The following ERC2 variants were observed in gnomAD, a reference collection of about 807,000 sequenced individuals.
ERC2 encodes ERC protein 2.
ERC2 carries 42 observed loss-of-function variants against 114.8 expected under a neutral mutation model. That is an observed-to-expected ratio of 0.37 (90% CI 0.29 to 0.47). The LOEUF (loss-of-function observed/expected upper bound fraction) is 0.47, where lower values mean the gene tolerates loss of function less well. Ranked by LOEUF, ERC2 falls within the 20% of genes least tolerant of loss-of-function variation. The pLI is 0.99. For missense variants in ERC2, 939 were observed against 1,150.7 expected (o/e 0.82, Z 2.66); for synonymous variants, 454 against 425.5 (o/e 1.07, Z -0.82).
At chr3:56,291,294 G>A (rs2055068535) in intron 3 of ERC2, among the ~76,000 whole-genome samples, 1 of 152,214 alleles carries the variant, frequency 6.6e-6, no homozygotes, top group South Asian at 2.1e-4. Context: ...ATGCTAGTGA[G>A]TAATGCTGAG....
intron 12 of ERC2, among the ~76,000 whole-genome samples, chr3:55,957,283 A>C (rs996431064): frequency 6.6e-6 from 1 of 152,194 alleles, no homozygotes; most frequent in African/African-American, 2.4e-5. Context: ...GAGGCAGTGC[A>C]GTAAGATGTC....
chr3:55,664,023 T>C (rs10428068), intron 17 of ERC2, among the ~76,000 whole-genome samples: 2,038 of 152,324 alleles, frequency 0.013, 55 homozygotes, highest in African/African-American at 0.047. Context: ...GGTTTTTATG[T>C]CTTTATGATG....
At chr3:56,052,001 G>A (rs1165276405) in intron 7 of ERC2, among the ~76,000 whole-genome samples, 1 of 152,076 alleles carries the variant, frequency 6.6e-6, no homozygotes, top group African/African-American at 2.4e-5. Flanking sequence ...GGTCCTTGTG[G>A]CCCCAGAGAG....
chr3:56,451,556 A>G (rs2107520093), intron 1 of ERC2, among the ~76,000 whole-genome samples: 1 of 152,342 alleles, frequency 6.6e-6, no homozygotes, highest in South Asian at 2.1e-4. Flanking sequence ...TTTAACAAGG[A>G]TCAAGTTCAG....
At chr3:55,664,268 T>C (rs1320749668) in intron 17 of ERC2, among the ~76,000 whole-genome samples, 1 of 152,110 alleles carries the variant, frequency 6.6e-6, no homozygotes, top group African/African-American at 2.4e-5. Flanking sequence ...TTATAGGTGG[T>C]TGCAAAATCG....
At chr3:56,335,663 C>T (rs1196106552) in intron 2 of ERC2, among the ~76,000 whole-genome samples, 1 of 152,092 alleles carries the variant, frequency 6.6e-6, no homozygotes, top group African/African-American at 2.4e-5. Context: ...ACTAAAAATA[C>T]GTATTAAAAT....
Position 56,392,553 on chromosome 3 carries a change from T to G in ERC2, c.657+41798A>C, listed in dbSNP as rs142956635. Among the ~76,000 whole-genome samples the G allele has an allele frequency of 4.6e-5, 7 of 152,268 alleles. No homozygotes were observed. The East Asian group carries it at 1.4e-3, about 29-fold the overall frequency. The stretch of plus-strand genomic sequence containing the variant: ...TCTAAAGGTACTGGAACTCATTAAC[T>G]CTATCTACTCCCTCCTTTGACCATT... On this transcript the variant is annotated intron_variant, in intron 2 of 17. Coordinates refer to ENST00000288221, the MANE Select transcript of ERC2 (RefSeq NM_015576.3).
chr3:55,890,493 T>C (rs2063550842), intron 13 of ERC2, among the ~76,000 whole-genome samples: 2 of 152,236 alleles, frequency 1.3e-5, no homozygotes, highest in African/African-American at 4.8e-5. Flanking sequence ...ATCTGCAATC[T>C]ATAGACACAG....
chr3:56,261,823 A>G (rs908801713), intron 3 of ERC2, among the ~76,000 whole-genome samples: 2 of 152,110 alleles, frequency 1.3e-5, no homozygotes, highest in Non-Finnish European at 2.9e-5. Context: ...TATTACGTCT[A>G]GTATCCATTA....
At chr3:56,320,170 A>C (rs2057061993) in intron 2 of ERC2, among the ~76,000 whole-genome samples, 1 of 152,358 alleles carries the variant, frequency 6.6e-6, no homozygotes, top group Admixed American at 6.5e-5. Context: ...TTGATTACAG[A>C]TACACAGTAT....
intron 14 of ERC2, among the ~76,000 whole-genome samples, chr3:55,821,753 A>G (rs1426078470): frequency 6.6e-6 from 1 of 152,194 alleles, no homozygotes; most frequent in Non-Finnish European, 1.5e-5. Flanking sequence ...CACCTAATAC[A>G]TACATATTGA....
intron 2 of ERC2, among the ~76,000 whole-genome samples, chr3:56,385,516 C>A (rs560498034): frequency 2.9e-4 from 44 of 152,254 alleles, no homozygotes; most frequent in Non-Finnish European, 5.1e-4. Flanking sequence ...ACACCATATA[C>A]CAGATTTGAG....
intron 17 of ERC2, among the ~76,000 whole-genome samples, chr3:55,577,132 C>T (rs528509215): frequency 5.3e-4 from 81 of 152,328 alleles, no homozygotes; most frequent in African/African-American, 1.8e-3. Context: ...TTAAAAAAAT[C>T]CCCTCCTGCT....
intron 3 of ERC2, among the ~76,000 whole-genome samples, chr3:56,183,632 T>C (rs781595416): frequency 6.6e-6 from 1 of 152,214 alleles, no homozygotes; most frequent in Non-Finnish European, 1.5e-5. Context: ...TGGGTCTAAT[T>C]GAATAATTTT....
At chr3:55,997,904 TTTTG>T (rs1270812866) in intron 10 of ERC2, among the ~76,000 whole-genome samples, 1,962 of 46,140 alleles carry the variant, frequency 0.043, 72 homozygotes, top group Non-Finnish European at 0.062. Context: ...TTTTTTTTTT[TTTTG>T]TGTGTGTGTG....
In ERC2 at chr3:55,672,403, G is replaced by T. The variant is rs139873691; in HGVS notation, c.*39+11391C>A. Among the ~76,000 whole-genome samples the T allele has an allele frequency of 3.1e-3, 476 of 152,070 alleles. 4 individuals carry two copies. Among genetic ancestry groups the T allele is most frequent in the African/African-American group, 0.011 (463 of 41,488 alleles). On this transcript the variant is annotated intron_variant, in intron 17 of 17. Transcript: ENST00000288221. The stretch of plus-strand genomic sequence containing the variant: ...TCAGTGCACTGAGGAACACCTTAGG[G>T]AATTACTACTATAGTGGAAGGAGTA...
intron 13 of ERC2, among the ~76,000 whole-genome samples, chr3:55,937,348 C>T (rs1237054341): frequency 1.3e-5 from 2 of 152,098 alleles, no homozygotes; most frequent in Non-Finnish European, 2.9e-5. Context: ...GACTCCGTCT[C>T]AAAAACAAAA....
At position 56,268,336 on chromosome 3, in the gene ERC2, C is replaced by A. The variant is rs78059712; in HGVS notation, c.1074+27683G>T. ...ATGTAAGTATACTCTACAATGTTCACGCAATGTCAAATTGCCTAAAACGCA... is the reference window on the plus strand; with the variant it reads ...ATGTAAGTATACTCTACAATGTTCAAGCAATGTCAAATTGCCTAAAACGCA... On this transcript the variant is annotated intron_variant, in intron 3 of 17. Coordinates refer to ENST00000288221, the MANE Select transcript of ERC2 (RefSeq NM_015576.3). 7.1e-3 allele frequency among the ~76,000 whole-genome samples: 1,080 copies of A among 152,272 alleles called. 7 individuals carry two copies. The highest frequency in any genetic ancestry group is 0.011 in the Non-Finnish European group (746 of 68,004).
At chr3:55,912,405 A>T (rs1180631988) in intron 13 of ERC2, among the ~76,000 whole-genome samples, 4 of 152,246 alleles carry the variant, frequency 2.6e-5, no homozygotes, top group Non-Finnish European at 4.4e-5. Flanking sequence ...GAAATAGTTT[A>T]AAAATGAAGC....
Sources: gnomAD v4.1 joint callset for allele counts (sites outside exome capture counted in the v4.1 genomes callset) on GRCh38, gnomAD v4.1.1 for gene constraint, MANE v1.5 for transcripts, NCBI Gene and HGNC (gene_info 2026-07-23, HGNC 2026-07-21) for gene names.